NOC2L: variants seen among roughly 807,000 people sequenced by gnomAD.
NOC2L encodes NOC2 like nucleolar associated transcriptional repressor, also known as nucleolar complex protein 2 homolog.
Under a neutral mutation model 94.2 loss-of-function variants are expected in NOC2L, and 101 were observed. The ratio of observed to expected loss-of-function variants is 1.07; its 90% CI spans 0.91 to 1.26. The LOEUF (loss-of-function observed/expected upper bound fraction) is 1.26. Among genes scored for constraint, NOC2L ranks in the 50% most tolerant of loss-of-function variants. NOC2L has a pLI of 0.00. For synonymous variants in NOC2L, 531 were observed against 413.4 expected, an observed-to-expected ratio of 1.28 and a Z score of -3.45; for missense variants, 1,076 against 980.1, an observed-to-expected ratio of 1.10 and a Z score of -1.31.
At chr1:953,511 C>T (rs180999164) in intron 8 of NOC2L, among the ~76,000 whole-genome samples, 14 of 152,376 alleles carry the variant, frequency 9.2e-5, no homozygotes, top group East Asian at 3.9e-4. Context: ...ACGTCAGACA[C>T]GCCGACGTAT....
Position 956,295 on chromosome 1 carries a change from G to T in NOC2L, c.487-80C>A, listed in dbSNP as rs1642399950. ...AGTGGAAACGGCAGCCCCAGAGAAA[G>T]GCACCCTCACCCTCACCCTCAGACA... On this transcript the variant is annotated intron_variant, in intron 4 of 18. Coordinates refer to ENST00000327044, the MANE Select transcript of NOC2L (RefSeq NM_015658.4). 4.5e-6 allele frequency: 7 copies of T among 1,553,344 alleles called. No individual in the cohort carries two copies. The South Asian group carries it at 7.9e-5, about 17-fold the overall frequency.
chr1:944,460 C>A lies in NOC2L; in HGVS notation c.*234G>T, dbSNP rs1004162819. On this transcript the variant is annotated 3_prime_UTR_variant, in exon 19 of 19. Transcript: ENST00000327044. ...GCTGACGTCAGGGTCAGCTCCCCCG[C>A]GGAGCTGACTTCAGCAGCCCACAGC... 2 of 802,454 alleles carry A rather than the reference C, an allele frequency of 2.5e-6. No individual in the cohort carries two copies. The highest frequency in any genetic ancestry group is 1.8e-6 in the Non-Finnish European group (1 of 546,496). The allele number at this position is 802,454 out of a possible 1,614,324, so 49.7% of individuals were successfully genotyped here.
chr1:952,872 T>C (rs915113984), intron 9 of NOC2L, among the ~76,000 whole-genome samples: 1 of 152,170 alleles, frequency 6.6e-6, no homozygotes, highest in Non-Finnish European at 1.5e-5. Context: ...GCAGTAGGAC[T>C]GTACCCTGGC....
At position 954,312 on chromosome 1, in the gene NOC2L, GCCCTGCCCA is replaced by G. The variant is rs1642342034; in HGVS notation, c.699-239_699-231del. 18 of 522,648 alleles carry G rather than the reference GCCCTGCCCA, an allele frequency of 3.4e-5. No homozygotes were observed. In the South Asian group the frequency reaches 5.3e-4, roughly 15 times the overall value. The allele number at this position is 522,648 out of a possible 1,614,324, so 32.4% of individuals were successfully genotyped here. ...CTTCAGTGGCCTTGAACTCCTGTCT[GCCCTGCCCA>G]GGGTTGGCCACCGCCCTAAGAGTCC... On this transcript the variant is annotated intron_variant, in intron 6 of 18. Transcript: ENST00000327044.
chr1:945,249 TC>T, intron 17 of NOC2L, 103 bp from the exon 18 acceptor site: 1 of 1,388,530 alleles, frequency 7.2e-7, no homozygotes, highest in Non-Finnish European at 9.7e-7. Flanking sequence ...CACCCTTCCC[TC>T]CGCTGACTTC....
At chr1:944,886 G>T in intron 18 of NOC2L, 86 bp from the exon 19 acceptor site, 2 of 1,317,024 alleles carry the variant, frequency 1.5e-6, no homozygotes, top group Non-Finnish European at 2.1e-6. Context: ...ATTAATCACG[G>T]CACTAATTAA....
intron 6 of NOC2L, among the ~76,000 whole-genome samples, 153 bp downstream of exon 6, chr1:955,770 C>G (rs1392851556): frequency 6.6e-6 from 1 of 152,216 alleles, no homozygotes; most frequent in Non-Finnish European, 1.5e-5. Context: ...CCTCTCCCAA[C>G]GGTCCCTCGT....
At chr1:950,894 T>A (rs187451187) in intron 12 of NOC2L, among the ~76,000 whole-genome samples, 1 of 152,126 alleles carries the variant, frequency 6.6e-6, no homozygotes, top group African/African-American at 2.4e-5. Context: ...CAGGGTCAGG[T>A]CCCGGCATCC....
chr1:950,050 T>G (rs971891712), intron 12 of NOC2L, among the ~76,000 whole-genome samples: 3 of 152,182 alleles, frequency 2.0e-5, no homozygotes, highest in African/African-American at 4.8e-5. Context: ...CCTACCTGAG[T>G]GGCATGTGCA....
chr1:957,071 C>G (rs760240750), intron 3 of NOC2L, 28 bp downstream of exon 3: 15 of 1,613,992 alleles, frequency 9.3e-6, no homozygotes, highest in East Asian at 2.2e-5. Flanking sequence ...GACAAGTGCC[C>G]CCCTTCTGGT....
chr1:954,084 T>A lies in NOC2L; in HGVS notation c.699-2A>T. The stretch of plus-strand genomic sequence containing the variant: ...GGGCTGCTGGACGGCTGCAGCATCC[T>A]GCAGAGAGACCACCCACCCCTGGCT... On this transcript the variant is annotated splice_acceptor_variant, in intron 6 of 18. Coordinates refer to ENST00000327044, the MANE Select transcript of NOC2L (RefSeq NM_015658.4). LOFTEE classifies it high-confidence loss of function. 1 of 1,611,536 alleles carries A rather than the reference T, an allele frequency of 6.2e-7. No homozygotes were observed. Among genetic ancestry groups the A allele is most frequent in the Non-Finnish European group, 8.5e-7 (1 of 1,178,934 alleles).
rs760523219 is a variant in NOC2L at position 951,206 on chromosome 1, C to T, written c.1364G>A (p.Arg455Gln). 25 of 1,594,134 alleles carry T rather than the reference C, an allele frequency of 1.6e-5. No individual in the cohort carries two copies. The highest frequency in any genetic ancestry group is 1.3e-4 in the South Asian group (11 of 87,822). The change falls in exon 12 of 19, where the codon CGA becomes CAA. Residue 455 changes from arginine to glutamine, a missense_variant. By Grantham distance (43) the Arg-to-Gln change is conservative. Transcript: ENST00000327044. ...LIPTARFYPL[R>Q]MHCIRALTLL... ...CGTCAGGGCACGGATGCAGTGCATT[C>T]GCAGCGGGTAGAAGCGGGCAGTGGG...
At chr1:950,658 TGC>T (rs1642234906) in intron 12 of NOC2L, among the ~76,000 whole-genome samples, 2 of 40,368 alleles carry the variant, frequency 5.0e-5, no homozygotes, top group Admixed American at 2.0e-4. Context: ...TGAACTGATA[TGC>T]ACACACACAC....
intron 13 of NOC2L, 59 bp from the exon 14 acceptor site, chr1:948,291 G>GCCC: frequency 7.2e-7 from 1 of 1,389,308 alleles, no homozygotes; most frequent in Non-Finnish European, 1.0e-6. Context: ...GGGCACTCAG[G>GCCC]CCCCTTCCCC....
intron 12 of NOC2L, among the ~76,000 whole-genome samples, chr1:950,019 A>G (rs1015940144): frequency 2.6e-5 from 4 of 152,182 alleles, no homozygotes; most frequent in Non-Finnish European, 5.9e-5. Flanking sequence ...TGAAAGTTGA[A>G]ACTTCGGACT....
chr1:953,935 C>T, intron 7 of NOC2L, 43 bp from the exon 8 acceptor site: 1 of 1,608,374 alleles, frequency 6.2e-7, no homozygotes, highest in Middle Eastern at 1.7e-4. Flanking sequence ...CCCATGTATT[C>T]TGGGATACAA....
Position 948,229 on chromosome 1 carries a change from C to T in NOC2L, c.1561G>A (p.Gly521Ser), listed in dbSNP as rs1448511950. 6 of 1,578,006 alleles carry T rather than the reference C, an allele frequency of 3.8e-6. No individual in the cohort carries two copies. Among genetic ancestry groups the T allele is most frequent in the Middle Eastern group, 1.7e-4 (1 of 5,982 alleles). The change falls in exon 14 of 19, where the codon GGC becomes AGC. Residue 521 changes from glycine (G) to serine (S), a missense_variant. This residue lies in a region of NOC2L where 615 missense variants were observed against 577.4 expected (regional missense o/e 1.07). Transcript: ENST00000327044. ...AGGTCGTACAGCTGCTCCACCAGGC[C>T]GTCCTGAAGAGCAGGAGAGAGGGCC... ...VNLQEKAYRD[G>S]LVEQLYDLTL...
rs757270722 is a variant in NOC2L at position 959,086 on chromosome 1, G to A, written c.27-5C>T. The A allele has an allele frequency of 9.9e-6, 16 of 1,608,630 alleles. No homozygotes were observed. The highest frequency in any genetic ancestry group is 1.4e-5 in the Non-Finnish European group (16 of 1,177,124). ...ACCGTCAGCTCCGCCAGGCGCCTGC[G>A]GGTCACGCAGGAGTCACAGCTGCCC... On this transcript the variant is annotated splice_polypyrimidine_tract_variant and splice_region_variant and intron_variant, in intron 1 of 18. Coordinates refer to ENST00000327044, the MANE Select transcript of NOC2L (RefSeq NM_015658.4).
In NOC2L at chr1:945,526, G is replaced by A. The variant is rs77999481; in HGVS notation, c.2045C>T (p.Ser682Leu). The change falls in exon 17 of 19, where the codon TCG becomes TTG. Residue 682 changes from serine to leucine, a missense_variant. Ser to Leu is a moderately radical substitution (Grantham distance 145, BLOSUM62 -2). Around this residue, in one of 3 missense-constraint regions of NOC2L, gnomAD observed 615 missense variants for 577.4 expected, o/e 1.07. Transcript: ENST00000327044. ...SSEEDDTEGF[S>L]ERGILRPLST... ...CACCACGCAGGCCCCACCTCTCTCC[G>A]AGAATCCCTCGGTGTCGTCCTCTTC... The A allele has an allele frequency of 1.2e-4, 193 of 1,613,778 alleles. 1 individual carries two copies. In the East Asian group the frequency reaches 3.0e-3, roughly 25 times the overall value.
Sources: gnomAD v4.1 joint callset for allele counts (sites outside exome capture counted in the v4.1 genomes callset) on GRCh38, gnomAD v4.1.1 for gene constraint, gnomAD v4.1.1 regional missense constraint, MANE v1.5 for transcripts, NCBI Gene and HGNC (gene_info 2026-07-23, HGNC 2026-07-21) for gene names.